The following CREM variants were observed in gnomAD, a reference collection of about 807,000 sequenced individuals.
CREM encodes the protein cAMP-responsive element modulator.
A neutral mutation model predicts 37.3 loss-of-function variants in CREM; 13 were observed. The ratio of observed to expected loss-of-function variants is 0.35; its 90% confidence interval spans 0.23 to 0.55. The LOEUF (loss-of-function observed/expected upper bound fraction) is 0.55. Among genes scored for constraint, CREM ranks in the 20% least tolerant of loss-of-function variants. CREM has a pLI of 0.88. For synonymous variants in CREM, 124 were observed against 120.2 expected, an observed-to-expected ratio of 1.03 and a Z score of -0.21; for missense variants, 296 against 362.3, an observed-to-expected ratio of 0.82 and a Z score of 1.49.
intron 1 of CREM, among the ~76,000 whole-genome samples, chr10:35,136,618 A>G (rs192751295): frequency 2.6e-4 from 40 of 152,276 alleles, no homozygotes; most frequent in African/African-American, 8.7e-4. Context: ...TGCTGCCTAC[A>G]GTTCCAAATT....
Position 35,167,820 on chromosome 10 carries a change from A to G in CREM, c.169-11069A>G, listed in dbSNP as rs114159711. 251 of 1,603,214 alleles carry G rather than the reference A, an allele frequency of 1.6e-4. 1 individual carries two copies. The African/African-American group carries it at 2.8e-3, about 18-fold the overall frequency. On this transcript the variant is annotated intron_variant, in intron 3 of 7. Transcript: ENST00000685392. ...GAAGAAAAGGTAAATGATGTCTGCT[A>G]TAAGTACCTTCACACTTTTAAAGCC... is the stretch of plus-strand genomic sequence containing the variant.
At chr10:35,130,412 A>G (rs901922513) in intron 1 of CREM, among the ~76,000 whole-genome samples, 2 of 152,194 alleles carry the variant, frequency 1.3e-5, no homozygotes, top group Admixed American at 6.5e-5. Context: ...CTGTATATCC[A>G]GTAGAGAATA....
intron 3 of CREM, among the ~76,000 whole-genome samples, chr10:35,176,331 G>C (rs2094075188): frequency 6.6e-6 from 1 of 152,024 alleles, no homozygotes; most frequent in African/African-American, 2.4e-5. Context: ...AATATTTTGA[G>C]GGTGCATCAG....
intron 3 of CREM, among the ~76,000 whole-genome samples, chr10:35,149,901 C>CACACACACACACACAT (rs1482782328): frequency 1.2e-4 from 13 of 106,624 alleles, no homozygotes; most frequent in Non-Finnish European, 2.2e-5. Context: ...CACACACACA[C>CACACACACACACACAT]ACACACACAC....
At chr10:35,174,229 A>T (rs1298056901) in intron 3 of CREM, among the ~76,000 whole-genome samples, 1 of 152,160 alleles carries the variant, frequency 6.6e-6, no homozygotes, top group African/African-American at 2.4e-5. Flanking sequence ...ATCTACATAA[A>T]GCCCTCACTT....
Position 35,148,294 on chromosome 10 carries a change from A to G in CREM, c.45-74A>G, listed in dbSNP as rs528868046. On this transcript the variant is annotated intron_variant, in intron 2 of 7. Transcript: ENST00000685392. ...ATTTCAGATTTTGGATTTTTGGATT[A>G]GGGATGTTCAACCTGTATTTCCAAA... 1.8e-3 allele frequency: 2,605 copies of G among 1,429,330 alleles called. 6 individuals are homozygous for G. Among genetic ancestry groups the G allele is most frequent in the Non-Finnish European group, 2.3e-3 (2,403 of 1,061,738 alleles). The allele number at this position is 1,429,330 out of a possible 1,614,324, so 88.5% of individuals were successfully genotyped here. A position where few individuals can be genotyped will look rare whatever the true frequency, so the allele number is the denominator to read the frequency against.
intron 3 of CREM, among the ~76,000 whole-genome samples, chr10:35,151,270 G>A (rs2092581578): frequency 6.6e-6 from 1 of 152,206 alleles, no homozygotes; most frequent in African/African-American, 2.4e-5. Context: ...AATATTGATA[G>A]TTATTAAATC....
intron 3 of CREM, among the ~76,000 whole-genome samples, chr10:35,175,314 C>T (rs544865067): frequency 1.1e-4 from 17 of 152,176 alleles, no homozygotes; most frequent in Admixed American, 3.9e-4. Flanking sequence ...AGCGTGGTGG[C>T]GGGCACCTGT....
intron 5 of CREM, among the ~76,000 whole-genome samples, chr10:35,180,945 A>G (rs1486355523): frequency 2.0e-5 from 3 of 152,196 alleles, no homozygotes; most frequent in African/African-American, 7.2e-5. Context: ...GACAGGGAAA[A>G]GGTTGGAAGT....
intron 3 of CREM, among the ~76,000 whole-genome samples, chr10:35,149,933 CA>C (rs1208997750): frequency 5.7e-5 from 8 of 140,510 alleles, no homozygotes; most frequent in African/African-American, 1.3e-4. Context: ...CACACACACA[CA>C]CACACCCTTG....
intron 3 of CREM, 71 bp from the exon 4 acceptor site, chr10:35,178,818 A>G: frequency 8.0e-7 from 1 of 1,249,802 alleles, no homozygotes. Flanking sequence ...ACAGACTCTT[A>G]GCCTCAATTT....
intron 6 of CREM, among the ~76,000 whole-genome samples, chr10:35,200,971 C>A (rs2095365909): frequency 6.6e-6 from 1 of 151,406 alleles, no homozygotes; most frequent in Non-Finnish European, 1.5e-5. Flanking sequence ...TTATTTATTT[C>A]TTTGTTTCCT....
At chr10:35,193,024 C>G (rs1282207626) in intron 6 of CREM, among the ~76,000 whole-genome samples, 2 of 152,160 alleles carry the variant, frequency 1.3e-5, no homozygotes, top group Non-Finnish European at 2.9e-5. Flanking sequence ...TACCGATTGC[C>G]TGATAAGAAT....
At chr10:35,196,028 C>G (rs1188670726) in intron 6 of CREM, 1 of 1,612,548 alleles carries the variant, frequency 6.2e-7, no homozygotes, top group African/African-American at 1.3e-5. Context: ...TGGTTGTCTG[C>G]TTGAAGAGGG....
At position 35,211,541 on chromosome 10, in the gene CREM, G is replaced by C; in HGVS notation, c.*143G>C. 1 of 1,497,392 alleles carries C rather than the reference G, an allele frequency of 6.7e-7. No homozygotes were observed. The highest frequency in any genetic ancestry group is 9.0e-7 in the Non-Finnish European group (1 of 1,108,842). The allele number at this position is 1,497,392 out of a possible 1,614,324, so 92.8% of individuals were successfully genotyped here. On this transcript the variant is annotated 3_prime_UTR_variant, in exon 8 of 8. Coordinates refer to ENST00000685392, the MANE Select transcript of CREM (RefSeq NM_183011.2). ...TAGTGTTTGAAATTGAATTGGGAAT[G>C]TTGTTCCAGGATGTGGAATGCAGCC...
At chr10:35,154,027 A>C in intron 3 of CREM, 2 of 398,516 alleles carry the variant, frequency 5.0e-6, no homozygotes, top group East Asian at 7.1e-5. Context: ...TGATGGCTTC[A>C]TATCTTATCC....
intron 6 of CREM, among the ~76,000 whole-genome samples, chr10:35,199,717 C>T (rs994191262): frequency 6.6e-6 from 1 of 152,070 alleles, no homozygotes; most frequent in African/African-American, 2.4e-5. Flanking sequence ...TGGACCCGTT[C>T]GAGTCTTCAG....
intron 3 of CREM, among the ~76,000 whole-genome samples, chr10:35,164,687 T>C (rs1353381622): frequency 6.6e-6 from 1 of 152,216 alleles, no homozygotes; most frequent in African/African-American, 2.4e-5. Context: ...ACCATTGGAC[T>C]GGAACTGAAA....
chr10:35,145,628 A>G (rs1310884612), intron 2 of CREM, among the ~76,000 whole-genome samples: 2 of 152,054 alleles, frequency 1.3e-5, no homozygotes, highest in Admixed American at 1.3e-4. Context: ...TAAAAATACA[A>G]AATAGCTGGG....
Sources: allele counts gnomAD v4.1 joint callset (sites outside exome capture counted in the v4.1 genomes callset), GRCh38; gene constraint gnomAD v4.1.1; transcripts MANE v1.5; gene names NCBI Gene and HGNC (gene_info 2026-07-23, HGNC 2026-07-21).